Variants in DLGAP1 observed in about 807,000 individuals in gnomAD.
DLGAP1 encodes the protein disks large-associated protein 1.
In DLGAP1, 11 loss-of-function variants were observed where a neutral mutation model predicts 90.8. The observed-to-expected ratio is 0.12, with a 90% confidence interval of 0.08 to 0.20. DLGAP1 has a LOEUF of 0.20. Ranked by LOEUF, DLGAP1 falls within the 10% of genes least tolerant of loss-of-function variation. The pLI is 1.00. For synonymous variants in DLGAP1, 558 were observed against 540.7 expected, an observed-to-expected ratio of 1.03 and a Z score of -0.44; for missense variants, 1,050 against 1,333.8, an observed-to-expected ratio of 0.79 and a Z score of 3.31.
chr18:3,626,767 G>A (rs553246103), intron 7 of DLGAP1, among the ~76,000 whole-genome samples: 15 of 151,834 alleles, frequency 9.9e-5, no homozygotes, highest in East Asian at 5.9e-4. Flanking sequence ...TTGTGGTGGC[G>A]TGCACCTGTA....
At chr18:3,963,066 T>C (rs763154940) in intron 3 of DLGAP1, among the ~76,000 whole-genome samples, 2 of 152,182 alleles carry the variant, frequency 1.3e-5, no homozygotes, top group Non-Finnish European at 2.9e-5. Flanking sequence ...TTCATGTGCA[T>C]CTTGATCTCT....
At position 3,666,873 on chromosome 18, in the gene DLGAP1, C is replaced by T. The variant is rs189135059; in HGVS notation, c.1591+62262G>A. ...CTAGGCTCAAGGGAGCCTCCTGCCTCAGCCTCCGTAGTAGCTGCAACTACA... is the reference window on the plus strand; with the variant it reads ...CTAGGCTCAAGGGAGCCTCCTGCCTTAGCCTCCGTAGTAGCTGCAACTACA... On this transcript the variant is annotated intron_variant, in intron 7 of 12. Transcript: ENST00000315677. 8.5e-5 allele frequency among the ~76,000 whole-genome samples: 13 copies of T among 152,218 alleles called. No homozygotes were observed. In the East Asian group the frequency reaches 2.3e-3, roughly 27 times the overall value.
intron 1 of DLGAP1, among the ~76,000 whole-genome samples, chr18:4,396,054 C>T (rs777946697): frequency 7.2e-5 from 11 of 152,144 alleles, no homozygotes; most frequent in Non-Finnish European, 1.5e-4. Context: ...CCACCGGCTG[C>T]GGGCACAGGG....
intron 3 of DLGAP1, among the ~76,000 whole-genome samples, chr18:3,897,544 A>G (rs2071656980): frequency 6.6e-6 from 1 of 152,176 alleles, no homozygotes; most frequent in Non-Finnish European, 1.5e-5. Flanking sequence ...CAGACAATAA[A>G]CAAATATATT....
At chr18:4,375,421 A>G (rs1157933608) in intron 1 of DLGAP1, among the ~76,000 whole-genome samples, 1 of 152,170 alleles carries the variant, frequency 6.6e-6, no homozygotes, top group Non-Finnish European at 1.5e-5. Context: ...GCAACCAAAC[A>G]TATTCTGTCT....
intron 7 of DLGAP1, among the ~76,000 whole-genome samples, chr18:3,595,927 G>A (rs868564818): frequency 2.6e-4 from 39 of 152,230 alleles, no homozygotes; most frequent in African/African-American, 8.4e-4. Context: ...AACAATGTGT[G>A]TGTTTTTCAA....
In DLGAP1 at chr18:4,149,374, A is replaced by G. The variant is rs1417363368; in HGVS notation, c.-159+1806T>C. On this transcript the variant is annotated intron_variant, in intron 2 of 12. Transcript: ENST00000315677. ...TAATTATTTAATGTCTTTAAAACACAAAACTTTTTTTTTTCTTGGAGATAC... is the reference window on the plus strand; with the variant it reads ...TAATTATTTAATGTCTTTAAAACACGAAACTTTTTTTTTTCTTGGAGATAC... 2.0e-5 allele frequency among the ~76,000 whole-genome samples: 3 copies of G among 152,348 alleles called. No homozygotes were observed. In the East Asian group the frequency reaches 5.8e-4, roughly 29 times the overall value.
intron 1 of DLGAP1, among the ~76,000 whole-genome samples, chr18:4,441,676 G>T (rs8087818): frequency 0.34 from 51,361 of 152,124 alleles, 8,848 homozygotes; most frequent in East Asian, 0.4. Flanking sequence ...AAAAATAAGA[G>T]AAGTGACACT....
chr18:3,666,802 G>C (rs575814376), intron 7 of DLGAP1, among the ~76,000 whole-genome samples: 19 of 152,034 alleles, frequency 1.2e-4, no homozygotes, highest in Non-Finnish European at 2.5e-4. Context: ...TGTCATTCAA[G>C]CTGCAGTGCA....
At position 4,265,637 on chromosome 18, in the gene DLGAP1, C is replaced by CCTTCCCT. The variant is rs2079105469; in HGVS notation, c.-266-114351_-266-114350insAGGGAAG. On this transcript the variant is annotated intron_variant, in intron 1 of 12. Coordinates refer to ENST00000315677, the MANE Select transcript of DLGAP1 (RefSeq NM_004746.4). ...CTTCCCTCCCTCCCCTTCCCTCCCT[C>CCTTCCCT]CCCTTCCCTCCCTCCCTCCCTCCCT... Among the ~76,000 whole-genome samples the CCTTCCCT allele has an allele frequency of 4.3e-4, 18 of 42,338 alleles. 1 individual carries two copies. Among genetic ancestry groups the CCTTCCCT allele is most frequent in the African/African-American group, 9.0e-4 (4 of 4,424 alleles). 27.8% of individuals were successfully genotyped at this position (42,338 alleles called of 152,430 possible).
At chr18:4,295,781 T>A (rs2079966256) in intron 1 of DLGAP1, among the ~76,000 whole-genome samples, 1 of 152,250 alleles carries the variant, frequency 6.6e-6, no homozygotes, top group South Asian at 2.1e-4. Context: ...AGTAAAGTGC[T>A]TAGCAGAGTG....
intron 1 of DLGAP1, among the ~76,000 whole-genome samples, chr18:4,399,946 A>C (rs1023568253): frequency 5.3e-5 from 8 of 152,168 alleles, no homozygotes; most frequent in African/African-American, 1.9e-4. Context: ...AGGTATGTCT[A>C]GTTTCAGAAG....
rs1207531496 is a variant in DLGAP1 at position 3,496,854 on chromosome 18, C to A, written c.*2331G>T. ...CAAGGAAGGCAAAGATCATGATGCC[C>A]TGTAGGCCTTGAGCTAAAAGATTTA... is the stretch of plus-strand genomic sequence containing the variant. On this transcript the variant is annotated 3_prime_UTR_variant, in exon 13 of 13. Coordinates refer to ENST00000315677, the MANE Select transcript of DLGAP1 (RefSeq NM_004746.4). 4 of 152,132 alleles carry A rather than the reference C, an allele frequency of 2.6e-5. No homozygotes were observed. The highest frequency in any genetic ancestry group is 5.9e-5 in the Non-Finnish European group (4 of 68,026). The allele number at this position is 152,132 out of a possible 1,614,324, so 9.4% of individuals were successfully genotyped here.
intron 1 of DLGAP1, among the ~76,000 whole-genome samples, chr18:4,153,030 CA>C (rs1300355583): frequency 1.1e-4 from 17 of 152,046 alleles, no homozygotes; most frequent in African/African-American, 4.1e-4. Flanking sequence ...TCTTTGGAAA[CA>C]AAGTGGAAAG....
chr18:4,223,651 T>C (rs978763343), intron 1 of DLGAP1, among the ~76,000 whole-genome samples: 3 of 152,240 alleles, frequency 2.0e-5, no homozygotes, highest in South Asian at 4.1e-4. Context: ...TCACCAGATA[T>C]GTAAAGGCAT....
intron 1 of DLGAP1, among the ~76,000 whole-genome samples, chr18:4,416,247 T>C (rs1288927480): frequency 6.6e-6 from 1 of 152,140 alleles, no homozygotes; most frequent in Non-Finnish European, 1.5e-5. Flanking sequence ...TTTTCAAGCA[T>C]CCTGGCAATA....
chr18:4,194,579 G>A (rs1445191053), intron 1 of DLGAP1, among the ~76,000 whole-genome samples: 2 of 151,892 alleles, frequency 1.3e-5, no homozygotes, highest in Non-Finnish European at 1.5e-5. Flanking sequence ...TCAAAACATA[G>A]CCTAGTGTTT....
intron 2 of DLGAP1, among the ~76,000 whole-genome samples, chr18:4,020,997 T>C (rs2074599708): frequency 6.6e-6 from 1 of 152,030 alleles, no homozygotes; most frequent in Admixed American, 6.6e-5. Context: ...CCATGAATAG[T>C]AGACCGCAAG....
chr18:4,032,727 G>A (rs902139416), intron 2 of DLGAP1, among the ~76,000 whole-genome samples: 20 of 149,940 alleles, frequency 1.3e-4, no homozygotes, highest in Admixed American at 1.3e-3. Flanking sequence ...GGGGCTAGTA[G>A]GAAGGTTTCT....
Sources: allele counts gnomAD v4.1 joint callset (sites outside exome capture counted in the v4.1 genomes callset), GRCh38; gene constraint gnomAD v4.1.1; transcripts MANE v1.5; gene names NCBI Gene and HGNC (gene_info 2026-07-23, HGNC 2026-07-21).